NRXN3: variants seen among roughly 807,000 people sequenced by gnomAD.
NRXN3 encodes the protein neurexin III.
In NRXN3, 32 loss-of-function variants were observed where a neutral mutation model predicts 137.6. The ratio of observed to expected loss-of-function variants is 0.23; its 90% CI spans 0.18 to 0.31. The LOEUF is 0.31. NRXN3 is among the 10% of genes least tolerant of loss of function. The pLI is 1.00. For missense variants in NRXN3, 1,574 were observed against 2,062.5 expected, an observed-to-expected ratio of 0.76 and a Z score of 4.59; for synonymous variants, 798 against 784.5, an observed-to-expected ratio of 1.02 and a Z score of -0.29.
intron 15 of NRXN3, among the ~76,000 whole-genome samples, chr14:79,170,495 T>C (rs914888120): frequency 1.3e-5 from 2 of 152,158 alleles, no homozygotes; most frequent in African/African-American, 4.8e-5. Flanking sequence ...GGGGTAGATA[T>C]ACATTCATGG....
At chr14:78,954,767 G>GTTT (rs531410595) in intron 10 of NRXN3, among the ~76,000 whole-genome samples, 26 of 130,380 alleles carry the variant, frequency 2.0e-4, no homozygotes, top group African/African-American at 5.6e-4. Context: ...ACCTGGCCTG[G>GTTT]TTTTTTTTTT....
At chr14:78,926,350 C>T (rs1442009698) in intron 10 of NRXN3, among the ~76,000 whole-genome samples, 1 of 151,740 alleles carries the variant, frequency 6.6e-6, no homozygotes, top group Non-Finnish European at 1.5e-5. Flanking sequence ...TGTGGTCTTT[C>T]TCTCTTATAT....
intron 15 of NRXN3, among the ~76,000 whole-genome samples, chr14:79,257,332 T>A (rs1248736077): frequency 1.5e-5 from 2 of 131,778 alleles, no homozygotes; most frequent in African/African-American, 5.7e-5. Context: ...TGGATAGCAA[T>A]TGTCTTATTC....
At chr14:79,602,152 A>T (rs2097932737) in intron 16 of NRXN3, among the ~76,000 whole-genome samples, 1 of 152,228 alleles carries the variant, frequency 6.6e-6, no homozygotes. Context: ...AGATAAGCAC[A>T]GTTGATTCTC....
chr14:79,107,898 G>A (rs1261178129), intron 15 of NRXN3, among the ~76,000 whole-genome samples: 3 of 152,102 alleles, frequency 2.0e-5, no homozygotes, highest in Non-Finnish European at 4.4e-5. Context: ...CTCACCTAGA[G>A]CCAAATATAT....
At chr14:79,851,989 TG>T (rs1393131977) in intron 20 of NRXN3, among the ~76,000 whole-genome samples, 2 of 151,980 alleles carry the variant, frequency 1.3e-5, no homozygotes, top group African/African-American at 4.8e-5. Flanking sequence ...AAAAAAAAAT[TG>T]GCTATTCCTC....
intron 17 of NRXN3, among the ~76,000 whole-genome samples, chr14:79,690,081 T>A (rs1398546479): frequency 6.6e-6 from 1 of 152,178 alleles, no homozygotes; most frequent in Non-Finnish European, 1.5e-5. Flanking sequence ...AAGGCAGATC[T>A]GGCGCAAGCC....
chr14:79,794,391 A>C (rs1348734326), intron 19 of NRXN3, among the ~76,000 whole-genome samples: 1 of 151,858 alleles, frequency 6.6e-6, no homozygotes, highest in Non-Finnish European at 1.5e-5. Context: ...AACAAACAAA[A>C]AAACAAAAAA....
chr14:79,305,270 CATT>C (rs985630480), intron 15 of NRXN3, among the ~76,000 whole-genome samples: 4 of 152,002 alleles, frequency 2.6e-5, no homozygotes, highest in Admixed American at 2.0e-4. Context: ...AAATGCCAGT[CATT>C]ATTATTATCA....
chr14:79,621,037 G>A (rs570180369), intron 16 of NRXN3, among the ~76,000 whole-genome samples: 1 of 152,140 alleles, frequency 6.6e-6, no homozygotes, highest in Non-Finnish European at 1.5e-5. Flanking sequence ...CATTTCTGGG[G>A]CTAAGGAGTG....
At chr14:79,375,622 G>A (rs2094250428) in intron 15 of NRXN3, among the ~76,000 whole-genome samples, 1 of 152,014 alleles carries the variant, frequency 6.6e-6, no homozygotes, top group African/African-American at 2.4e-5. Flanking sequence ...TTGTTCTTCC[G>A]ATGACTGGCT....
At chr14:78,315,821 A>G (rs1384461619) in intron 4 of NRXN3, among the ~76,000 whole-genome samples, 1 of 151,630 alleles carries the variant, frequency 6.6e-6, no homozygotes, top group African/African-American at 2.4e-5. Flanking sequence ...TTCTTGTTGC[A>G]TTAAGACAAT....
chr14:78,697,249 A>G (rs7148807), intron 6 of NRXN3, among the ~76,000 whole-genome samples: 1,835 of 152,062 alleles, frequency 0.012, 39 homozygotes, highest in South Asian at 0.021. Flanking sequence ...TAGACATCCT[A>G]TGTCCCTTTT....
intron 15 of NRXN3, among the ~76,000 whole-genome samples, chr14:79,183,287 T>C (rs532167848): frequency 7.2e-5 from 11 of 152,332 alleles, no homozygotes; most frequent in Admixed American, 2.0e-4. Flanking sequence ...TCATGTGTTA[T>C]AGCAAGATCT....
At chr14:78,638,020 A>T (rs2097581673) in intron 4 of NRXN3, among the ~76,000 whole-genome samples, 1 of 152,198 alleles carries the variant, frequency 6.6e-6, no homozygotes, top group African/African-American at 2.4e-5. Flanking sequence ...GATTTCAGTG[A>T]AGCGTGGTTT....
intron 6 of NRXN3, among the ~76,000 whole-genome samples, chr14:78,708,116 G>T (rs1015161295): frequency 8.6e-5 from 13 of 151,986 alleles, no homozygotes; most frequent in African/African-American, 3.1e-4. Flanking sequence ...GTTCTTTAAG[G>T]GATCTCCACA....
chr14:78,532,838 T>C (rs76623274), intron 4 of NRXN3, among the ~76,000 whole-genome samples: 202 of 152,146 alleles, frequency 1.3e-3, no homozygotes, highest in East Asian at 0.013. Context: ...CCTAGGTCAA[T>C]GATTTATTTT....
chr14:79,155,259 C>T (rs2060158583), intron 15 of NRXN3, among the ~76,000 whole-genome samples: 1 of 151,782 alleles, frequency 6.6e-6, no homozygotes, highest in African/African-American at 2.4e-5. Context: ...ATACATTTAG[C>T]TTTTGGATAT....
At chr14:79,853,636 A>T in intron 20 of NRXN3, 1 of 1,344,112 alleles carries the variant, frequency 7.4e-7, no homozygotes, top group Non-Finnish European at 9.8e-7. Flanking sequence ...TCTCCTGTGT[A>T]GTTCACTCAT....
Sources: allele counts gnomAD v4.1 joint callset (sites outside exome capture counted in the v4.1 genomes callset), GRCh38; gene constraint gnomAD v4.1.1; transcripts MANE v1.5; gene names NCBI Gene and HGNC (gene_info 2026-07-23, HGNC 2026-07-21).